Variants in B3GALT1 observed in about 807,000 individuals in gnomAD.
The protein encoded by B3GALT1 is UDP-Gal:betaGlcNAc beta 1,3-galactosyltransferase, polypeptide 1.
B3GALT1 carries 10 observed loss-of-function variants against 23.2 expected under a neutral mutation model. That is an observed-to-expected ratio of 0.43 (90% CI 0.27 to 0.73). The LOEUF is 0.73. B3GALT1 is among the 30% of genes least tolerant of loss of function. B3GALT1 has a pLI of 0.21. For synonymous variants in B3GALT1, 156 were observed against 141.5 expected (o/e 1.10, Z -0.73); for missense variants, 299 against 405.4 (o/e 0.74, Z 2.25).
At chr2:167,317,758 G>T (rs1178962718) in intron 1 of B3GALT1, among the ~76,000 whole-genome samples, 1 of 152,116 alleles carries the variant, frequency 6.6e-6, no homozygotes, top group Non-Finnish European at 1.5e-5. Context: ...TGAAGGGAAT[G>T]ATAGTTTCTT....
intron 1 of B3GALT1, among the ~76,000 whole-genome samples, chr2:167,439,077 C>T (rs1202356741): frequency 2.0e-5 from 3 of 152,176 alleles, no homozygotes; most frequent in African/African-American, 7.2e-5. Flanking sequence ...AACAAAGTTG[C>T]CTTATTATTG....
At chr2:167,812,881 T>C (rs1688916363) in intron 3 of B3GALT1, among the ~76,000 whole-genome samples, 1 of 151,978 alleles carries the variant, frequency 6.6e-6, no homozygotes, top group Non-Finnish European at 1.5e-5. Context: ...AAACGGAAGC[T>C]TTGCTCTTAA....
chr2:167,491,309 C>T (rs1015146367), intron 2 of B3GALT1, among the ~76,000 whole-genome samples: 31 of 152,044 alleles, frequency 2.0e-4, no homozygotes, highest in Admixed American at 4.6e-4. Context: ...TACCTTATTC[C>T]AATATCATCA....
chr2:167,584,682 C>A, intron 2 of B3GALT1, among the ~76,000 whole-genome samples: 1 of 152,158 alleles, frequency 6.6e-6, no homozygotes, highest in East Asian at 1.9e-4. Flanking sequence ...GGGGTTCCTA[C>A]AACCCCCTCC....
chr2:167,650,512 G>A (rs1046073784), intron 3 of B3GALT1, among the ~76,000 whole-genome samples: 4 of 151,646 alleles, frequency 2.6e-5, no homozygotes, highest in Admixed American at 6.6e-5. Flanking sequence ...TCTTTATCTG[G>A]CTCTGATATC....
intron 4 of B3GALT1, among the ~76,000 whole-genome samples, chr2:167,860,517 G>T (rs1211609263): frequency 1.3e-5 from 2 of 152,064 alleles, no homozygotes; most frequent in African/African-American, 4.8e-5. Context: ...CCACTTGTGT[G>T]TGCCATATGT....
intron 3 of B3GALT1, among the ~76,000 whole-genome samples, chr2:167,725,525 T>C (rs1687298340): frequency 1.3e-5 from 2 of 152,196 alleles, no homozygotes; most frequent in African/African-American, 4.8e-5. Flanking sequence ...TCCTAAGGTA[T>C]GTAAGTTCAG....
rs543987562 is a variant in B3GALT1, at chr2:167,494,823, T to C, written c.-410+4546T>C. ...ATATCTGGCAAATTATCAGAATCAT[T>C]TGGGAGACATTTTGAAAACATAGCT... is the stretch of plus-strand genomic sequence containing the variant. On this transcript the variant is annotated intron_variant, in intron 2 of 4. Coordinates refer to ENST00000392690, the MANE Select transcript of B3GALT1 (RefSeq NM_020981.4). Among the ~76,000 whole-genome samples, 7 of 152,272 alleles carry C rather than the reference T, an allele frequency of 4.6e-5. No individual in the cohort carries two copies. In the South Asian group the frequency reaches 1.5e-3, roughly 32 times the overall value.
intron 2 of B3GALT1, among the ~76,000 whole-genome samples, chr2:167,504,105 T>A (rs1354951053): frequency 6.6e-6 from 1 of 152,168 alleles, no homozygotes; most frequent in Non-Finnish European, 1.5e-5. Flanking sequence ...CACAATTTCA[T>A]AACAGATTAA....
chr2:167,346,594 T>C (rs1697224188), intron 1 of B3GALT1, among the ~76,000 whole-genome samples: 1 of 152,204 alleles, frequency 6.6e-6, no homozygotes, highest in Non-Finnish European at 1.5e-5. Flanking sequence ...GATGGAATAA[T>C]GTTTTATTAA....
chr2:167,421,662 G>A (rs1698548329), intron 1 of B3GALT1, among the ~76,000 whole-genome samples: 1 of 152,152 alleles, frequency 6.6e-6, no homozygotes. Context: ...TAAATCCACA[G>A]AGCTGATAAA....
chr2:167,698,637 A>G (rs1447287535), intron 3 of B3GALT1, among the ~76,000 whole-genome samples: 2 of 152,192 alleles, frequency 1.3e-5, no homozygotes, highest in Non-Finnish European at 2.9e-5. Flanking sequence ...ACTGGCTTTT[A>G]TTTTAGAGCT....
intron 2 of B3GALT1, among the ~76,000 whole-genome samples, chr2:167,605,388 T>C (rs1283366363): frequency 1.3e-5 from 2 of 152,172 alleles, no homozygotes; most frequent in Non-Finnish European, 2.9e-5. Flanking sequence ...GCTAAGTCTG[T>C]AGTTCTCTTG....
chr2:167,492,352 GATGT>G (rs1440409987), intron 2 of B3GALT1, among the ~76,000 whole-genome samples: 1 of 152,186 alleles, frequency 6.6e-6, no homozygotes. Flanking sequence ...TCATTGGACG[GATGT>G]ACCATAGTTT....
chr2:167,623,539 G>A (rs6750406), intron 2 of B3GALT1, among the ~76,000 whole-genome samples: 116,176 of 151,812 alleles, frequency 0.77, 44,573 homozygotes, highest in Admixed American at 0.82. Flanking sequence ...ACCCATAAGT[G>A]GGAGTTGAAC....
chr2:167,643,442 C>A (rs1194486563), intron 2 of B3GALT1, among the ~76,000 whole-genome samples: 1 of 152,054 alleles, frequency 6.6e-6, no homozygotes, highest in East Asian at 1.9e-4. Context: ...TCTGATGCCA[C>A]CTTGTCATGT....
At chr2:167,435,964 C>G (rs1698778036) in intron 1 of B3GALT1, among the ~76,000 whole-genome samples, 1 of 141,856 alleles carries the variant, frequency 7.0e-6, no homozygotes, top group Non-Finnish European at 1.5e-5. Flanking sequence ...AACACACACA[C>G]ACACACACAC....
intron 2 of B3GALT1, among the ~76,000 whole-genome samples, chr2:167,514,156 C>T (rs1700068373): frequency 6.6e-6 from 1 of 152,176 alleles, no homozygotes; most frequent in African/African-American, 2.4e-5. Flanking sequence ...ATCTGCCCAC[C>T]TCAGCCTCCC....
chr2:167,704,817 T>C (rs1456269314), intron 3 of B3GALT1, among the ~76,000 whole-genome samples: 3 of 152,184 alleles, frequency 2.0e-5, no homozygotes, highest in Non-Finnish European at 4.4e-5. Flanking sequence ...CAACTGGTAA[T>C]CTAATTTCCA....
Sources: allele counts gnomAD v4.1 joint callset (sites outside exome capture counted in the v4.1 genomes callset), GRCh38; gene constraint gnomAD v4.1.1; transcripts MANE v1.5; gene names NCBI Gene and HGNC (gene_info 2026-07-23, HGNC 2026-07-21).